The following ABCB4 variants were observed in gnomAD, a reference collection of about 807,000 sequenced individuals.
The protein encoded by ABCB4 is phosphatidylcholine translocator ABCB4.
ABCB4 carries 76 observed loss-of-function variants against 145.7 expected under a neutral mutation model. That is an observed-to-expected ratio of 0.52 (90% confidence interval 0.43 to 0.63). ABCB4 has a LOEUF of 0.63. Among genes scored for constraint, ABCB4 ranks in the 30% least tolerant of loss-of-function variants. The pLI is 0.00. For synonymous variants in ABCB4, 517 were observed against 566.8 expected, an observed-to-expected ratio of 0.91 and a Z score of 1.25; for missense variants, 1,234 against 1,553.1, an observed-to-expected ratio of 0.79 and a Z score of 3.45.
chr7:87,467,875 C>A (rs1813042807), intron 3 of ABCB4, among the ~76,000 whole-genome samples: 1 of 152,302 alleles, frequency 6.6e-6, no homozygotes, highest in Middle Eastern at 3.4e-3. Context: ...ATACCAGAAT[C>A]TCTGGGACAC....
Position 87,403,276 on chromosome 7 carries a change from A to G in ABCB4, c.3492T>C (p.Tyr1164=), listed in dbSNP as rs905025919. The G allele has an allele frequency of 5.6e-6, 9 of 1,613,528 alleles. No homozygotes were observed. The African/African-American group carries it at 1.1e-4, about 19-fold the overall frequency. ...TCCCCTTATCTCCCACTCTTGTTTC[A>G]TATTTCTGCAAGTTAACCAAATTAT... ...HPFIETLPHK[Y]ETRVGDKGTQ... The change falls in exon 27 of 28, where the codon TAT becomes TAC. Residue 1164 remains tyrosine, a synonymous_variant. Transcript: ENST00000649586.
Position 87,441,178 on chromosome 7 carries a change from A to G in ABCB4, c.1357-776T>C, listed in dbSNP as rs193166661. 3.2e-3 allele frequency among the ~76,000 whole-genome samples: 483 copies of G among 152,320 alleles called. 3 individuals carry two copies. The highest frequency in any genetic ancestry group is 4.1e-3 in the Non-Finnish European group (281 of 68,022). On this transcript the variant is annotated intron_variant, in intron 12 of 27. Transcript: ENST00000649586. Reference sequence around the variant, plus strand: ...ATGATTTATTTTTTCTCCCTTGACAACAATTGCTTACATGTACAATGACTG... The same window carrying G: ...ATGATTTATTTTTTCTCCCTTGACAGCAATTGCTTACATGTACAATGACTG...
chr7:87,385,779 A>G, the ABCB4 span, among the ~76,000 whole-genome samples: 1 of 152,064 alleles, frequency 6.6e-6, no homozygotes, highest in Non-Finnish European at 1.5e-5. Flanking sequence ...AAGTCTTGCA[A>G]TTTTTCCATG....
At chr7:87,462,371 TA>T (rs1562998045) in intron 4 of ABCB4, among the ~76,000 whole-genome samples, 1 of 152,144 alleles carries the variant, frequency 6.6e-6, no homozygotes, top group Non-Finnish European at 1.5e-5. Context: ...ATCTACAAGC[TA>T]AACACAGCTA....
chr7:87,457,378 C>G (rs1465010072), intron 4 of ABCB4, among the ~76,000 whole-genome samples: 1 of 152,166 alleles, frequency 6.6e-6, no homozygotes, highest in East Asian at 1.9e-4. Context: ...TCACTGCACT[C>G]TAGCCTGGGC....
At chr7:87,434,609 G>A (rs1466766145) in intron 14 of ABCB4, among the ~76,000 whole-genome samples, 2 of 152,098 alleles carry the variant, frequency 1.3e-5, no homozygotes, top group South Asian at 2.1e-4. Context: ...TTAGCTGGGC[G>A]TGGTTGCATG....
chr7:87,390,028 T>C, the ABCB4 span, among the ~76,000 whole-genome samples: 1 of 152,326 alleles, frequency 6.6e-6, no homozygotes, highest in Admixed American at 6.5e-5. Context: ...TCTTATTGTA[T>C]TTGATTTGAT....
rs990405640 is a variant in ABCB4 at position 87,469,228 on chromosome 7, A to G, written c.135+3393T>C. Among the ~76,000 whole-genome samples the G allele has an allele frequency of 2.6e-5, 4 of 152,340 alleles. No individual in the cohort carries two copies. The East Asian group carries it at 5.8e-4, about 22-fold the overall frequency. Reference sequence around the variant, plus strand: ...AGGTATTGATGGGAGGTATCTAAACATAATAAGAGCTATTTATGACAAACC... The same window carrying G: ...AGGTATTGATGGGAGGTATCTAAACGTAATAAGAGCTATTTATGACAAACC... On this transcript the variant is annotated intron_variant, in intron 3 of 27. Transcript: ENST00000649586.
intron 4 of ABCB4, among the ~76,000 whole-genome samples, chr7:87,458,017 A>G (rs1023556432): frequency 6.6e-6 from 1 of 152,198 alleles, no homozygotes; most frequent in African/African-American, 2.4e-5. Context: ...TTCTTTTAAC[A>G]CATAGAACTA....
chr7:87,442,930 T>G (rs1441453339), intron 12 of ABCB4, among the ~76,000 whole-genome samples: 1 of 152,190 alleles, frequency 6.6e-6, no homozygotes, highest in African/African-American at 2.4e-5. Context: ...TTGGATGAAT[T>G]TAATTGCTGT....
chr7:87,422,475 C>T (rs959155515), intron 17 of ABCB4, among the ~76,000 whole-genome samples: 3 of 152,130 alleles, frequency 2.0e-5, no homozygotes, highest in African/African-American at 4.8e-5. Context: ...CAGAACTTTT[C>T]GCCTTCCCAA....
At chr7:87,386,579 ATTGT>A in the ABCB4 span, among the ~76,000 whole-genome samples, 1 of 151,996 alleles carries the variant, frequency 6.6e-6, no homozygotes, top group Non-Finnish European at 1.5e-5. Flanking sequence ...ATTTGTCAAT[ATTGT>A]TTATCTTGTC....
At chr7:87,425,610 C>A (rs1456938727) in intron 16 of ABCB4, among the ~76,000 whole-genome samples, 2 of 152,134 alleles carry the variant, frequency 1.3e-5, no homozygotes, top group Non-Finnish European at 2.9e-5. Context: ...TATATCAAAA[C>A]TATATCTTGA....
intron 19 of ABCB4, among the ~76,000 whole-genome samples, chr7:87,418,941 T>C (rs1809201169): frequency 6.6e-6 from 1 of 152,214 alleles, no homozygotes; most frequent in South Asian, 2.1e-4. Flanking sequence ...TCTTTCACTA[T>C]GGACACTTCT....
intron 15 of ABCB4, among the ~76,000 whole-genome samples, chr7:87,428,635 A>G (rs1378441711): frequency 2.0e-5 from 3 of 152,232 alleles, no homozygotes; most frequent in Non-Finnish European, 4.4e-5. Flanking sequence ...TTTTCTTTTT[A>G]TGTAAAGAGT....
At chr7:87,392,926 GTTC>G in the ABCB4 span, 1 of 1,612,898 alleles carries the variant, frequency 6.2e-7, no homozygotes, top group South Asian at 1.1e-5. Flanking sequence ...CTAGTAAAAT[GTTC>G]TTTTATTGTG....
chr7:87,425,045 T>TA (rs374513665), intron 16 of ABCB4, among the ~76,000 whole-genome samples: 3 of 152,174 alleles, frequency 2.0e-5, no homozygotes, highest in Admixed American at 6.5e-5. Flanking sequence ...TCAGGGTTTT[T>TA]TTTTTTCCTC....
chr7:87,431,821 T>C (rs1810257736), intron 14 of ABCB4, among the ~76,000 whole-genome samples: 1 of 152,212 alleles, frequency 6.6e-6, no homozygotes, highest in African/African-American at 2.4e-5. Context: ...GTAGTGTCAG[T>C]GTTTACTTAA....
In ABCB4 at chr7:87,447,272, G is replaced by A. The variant is rs73705209; in HGVS notation, c.834-67C>T. ...ACAATCCATAGTCCGAGTCACACTCGGCTCCTATATAGTTGGAGGTTTAAG... is the reference window on the plus strand; with the variant it reads ...ACAATCCATAGTCCGAGTCACACTCAGCTCCTATATAGTTGGAGGTTTAAG... On this transcript the variant is annotated intron_variant, in intron 8 of 27. Transcript: ENST00000649586. 952 of 1,483,762 alleles carry A rather than the reference G, an allele frequency of 6.4e-4. 4 individuals carry two copies. The African/African-American group carries it at 0.012, about 18-fold the overall frequency. 91.9% of individuals were successfully genotyped at this position (1,483,762 alleles called of 1,614,324 possible). A position where few individuals can be genotyped will look rare whatever the true frequency, so the allele number is the denominator to read the frequency against.
Sources: gnomAD v4.1 joint callset for allele counts (sites outside exome capture counted in the v4.1 genomes callset) on GRCh38, gnomAD v4.1.1 for gene constraint, MANE v1.5 for transcripts, NCBI Gene and HGNC (gene_info 2026-07-23, HGNC 2026-07-21) for gene names.